Variants in CSMD1 observed in about 807,000 individuals in gnomAD.
The protein encoded by CSMD1 is CUB and sushi domain-containing protein 1.
Under a neutral mutation model 417.5 loss-of-function variants are expected in CSMD1, and 213 were observed. That is an observed-to-expected ratio of 0.51 (90% CI 0.46 to 0.57). The LOEUF (loss-of-function observed/expected upper bound fraction) is 0.57, where lower values mean the gene tolerates loss of function less well. Among genes scored for constraint, CSMD1 ranks in the 20% least tolerant of loss-of-function variants. The probability of loss-of-function intolerance (pLI) is 0.00; values close to 1 mark genes in which losing one functional copy is unlikely to be tolerated. For missense variants in CSMD1, 6,923 were observed against 4,529.7 expected (o/e 1.53, Z -15.17); for synonymous variants, 2,862 against 1,736.8 (o/e 1.65, Z -16.11).
At chr8:4,451,898 A>T (rs1799169108) in intron 2 of CSMD1, among the ~76,000 whole-genome samples, 1 of 150,940 alleles carries the variant, frequency 6.6e-6, no homozygotes. Flanking sequence ...TTTCTTCCAC[A>T]CTAAAATGAT....
intron 10 of CSMD1, among the ~76,000 whole-genome samples, chr8:3,503,027 A>G (rs113581253): frequency 5.3e-5 from 8 of 152,284 alleles, no homozygotes; most frequent in Middle Eastern, 3.4e-3. Context: ...CTTCTGATCA[A>G]TTTTGCTGTG....
chr8:3,883,249 A>T (rs1163323959), intron 5 of CSMD1, among the ~76,000 whole-genome samples: 1 of 152,182 alleles, frequency 6.6e-6, no homozygotes, highest in East Asian at 1.9e-4. Context: ...AATTTTCCTC[A>T]TATTAAATAT....
chr8:4,730,163 G>T (rs1199720288), intron 1 of CSMD1, among the ~76,000 whole-genome samples: 5 of 152,084 alleles, frequency 3.3e-5, no homozygotes, highest in Non-Finnish European at 7.4e-5. Context: ...GCAAAGCATG[G>T]TCTCAGTGTG....
Position 3,387,675 on chromosome 8 carries a change from C to T in CSMD1, c.2601G>A (p.Thr867=), listed in dbSNP as rs368128336. ...IGFLIHYESV[T]LESDSCLDPG... ...GGTCCAGGCAGGAATCCGACTCAAG[C>T]GTCACACCTGGATGCACAGAACGAA... Residue 867 remains threonine, a synonymous_variant, in exon 18 of 70, where the codon ACG becomes ACA. Transcript: ENST00000635120. 13 of 1,594,344 alleles carry T rather than the reference C, an allele frequency of 8.2e-6. No homozygotes were observed. Among genetic ancestry groups the T allele is most frequent in the South Asian group, 3.4e-5 (3 of 87,720 alleles).
intron 3 of CSMD1, among the ~76,000 whole-genome samples, chr8:4,163,501 G>C (rs1019470658): frequency 6.6e-6 from 1 of 152,100 alleles, no homozygotes; most frequent in East Asian, 1.9e-4. Context: ...TCAACTCACA[G>C]TACAGACATT....
chr8:3,733,210 C>T (rs980081960), intron 6 of CSMD1, among the ~76,000 whole-genome samples: 1 of 150,030 alleles, frequency 6.7e-6, no homozygotes, highest in African/African-American at 2.5e-5. Flanking sequence ...CACACACTCT[C>T]TCTCTCTCAT....
chr8:3,217,716 T>A (rs1039134170), intron 29 of CSMD1, among the ~76,000 whole-genome samples: 3 of 152,190 alleles, frequency 2.0e-5, no homozygotes, highest in African/African-American at 7.2e-5. Context: ...AATTGTATAA[T>A]TTTTAAAATT....
At chr8:4,555,713 G>A (rs1035076184) in intron 2 of CSMD1, among the ~76,000 whole-genome samples, 1 of 152,158 alleles carries the variant, frequency 6.6e-6, no homozygotes, top group Non-Finnish European at 1.5e-5. Flanking sequence ...TTCTTCACAG[G>A]AGCCTGCACC....
At chr8:4,184,003 G>T (rs926912027) in intron 3 of CSMD1, among the ~76,000 whole-genome samples, 1 of 152,152 alleles carries the variant, frequency 6.6e-6, no homozygotes, top group Admixed American at 6.6e-5. Context: ...TCATACACAT[G>T]ACAAGGGTAC....
chr8:4,408,612 T>A (rs986070714), intron 3 of CSMD1, among the ~76,000 whole-genome samples: 4 of 152,200 alleles, frequency 2.6e-5, no homozygotes, highest in African/African-American at 9.7e-5. Context: ...AAATGTCTGA[T>A]AATGGAAAAT....
chr8:4,177,874 A>T (rs1182663028), intron 3 of CSMD1, among the ~76,000 whole-genome samples: 5 of 151,848 alleles, frequency 3.3e-5, no homozygotes, highest in Non-Finnish European at 5.9e-5. Context: ...CCCAAGACTA[A>T]ACCAGGAAGA....
intron 52 of CSMD1, among the ~76,000 whole-genome samples, chr8:3,015,727 T>C (rs1179100800): frequency 6.6e-6 from 1 of 152,074 alleles, no homozygotes; most frequent in Non-Finnish European, 1.5e-5. Flanking sequence ...ACATTTAACT[T>C]GGTGGAAACC....
intron 50 of CSMD1, among the ~76,000 whole-genome samples, chr8:3,052,129 C>G (rs73488476): frequency 0.049 from 7,512 of 152,136 alleles, 626 homozygotes; most frequent in African/African-American, 0.17. Flanking sequence ...TGAGTACAGT[C>G]TTATTGCAGG....
intron 1 of CSMD1, among the ~76,000 whole-genome samples, chr8:4,675,054 G>A (rs920629543): frequency 2.0e-5 from 3 of 152,180 alleles, no homozygotes; most frequent in African/African-American, 4.8e-5. Context: ...GACGCACAGG[G>A]CTCCAGAACT....
At chr8:4,423,687 G>C (rs1585051765) in intron 2 of CSMD1, among the ~76,000 whole-genome samples, 2 of 151,816 alleles carry the variant, frequency 1.3e-5, no homozygotes, top group African/African-American at 4.8e-5. Flanking sequence ...AAGAATTTTT[G>C]GGTATATAGC....
intron 8 of CSMD1, among the ~76,000 whole-genome samples, chr8:3,601,193 C>T (rs1801345337): frequency 6.6e-6 from 1 of 152,172 alleles, no homozygotes; most frequent in Non-Finnish European, 1.5e-5. Context: ...GATTCCTGTT[C>T]ATGGGAGCTG....
intron 5 of CSMD1, among the ~76,000 whole-genome samples, chr8:3,897,136 T>C (rs1184898340): frequency 6.6e-6 from 1 of 152,206 alleles, no homozygotes; most frequent in Non-Finnish European, 1.5e-5. Context: ...AGAGACCCAG[T>C]GTTTTTAAAA....
intron 1 of CSMD1, among the ~76,000 whole-genome samples, chr8:4,992,810 G>T (rs549680046): frequency 2.0e-5 from 3 of 152,348 alleles, no homozygotes; most frequent in South Asian, 2.1e-4. Context: ...GTCGGCGTCT[G>T]CAAGAAGCTC....
At chr8:4,370,916 C>G (rs529187203) in intron 3 of CSMD1, among the ~76,000 whole-genome samples, 23 of 152,304 alleles carry the variant, frequency 1.5e-4, no homozygotes, top group African/African-American at 5.3e-4. Context: ...AAGTCTATGT[C>G]TGACACACTT....
Sources: gnomAD v4.1 joint callset for allele counts (sites outside exome capture counted in the v4.1 genomes callset) on GRCh38, gnomAD v4.1.1 for gene constraint, MANE v1.5 for transcripts, NCBI Gene and HGNC (gene_info 2026-07-23, HGNC 2026-07-21) for gene names.